INSL6: variants seen among roughly 807,000 people sequenced by gnomAD.
The protein encoded by INSL6 is insulin-like peptide INSL6.
Under a neutral mutation model 9.4 loss-of-function variants are expected in INSL6, and 16 were observed. That is an observed-to-expected ratio of 1.70 (90% confidence interval 1.15 to 2.59). The LOEUF is 2.59. Among genes scored for constraint, INSL6 ranks in the 30% most tolerant of loss-of-function variants. The pLI is 0.00. For missense variants in INSL6, 391 were observed against 257.3 expected, an observed-to-expected ratio of 1.52 and a Z score of -3.56; for synonymous variants, 154 against 96.9, an observed-to-expected ratio of 1.59 and a Z score of -3.46.
At chr9:5,070,923 A>G in the INSL6 span, among the ~76,000 whole-genome samples, 1 of 152,196 alleles carries the variant, frequency 6.6e-6, no homozygotes, top group African/African-American at 2.4e-5. Flanking sequence ...AAGTGAGACT[A>G]TCCCTGAGTA....
chr9:4,996,087 C>T, the INSL6 span, among the ~76,000 whole-genome samples: 1 of 152,158 alleles, frequency 6.6e-6, no homozygotes, highest in Admixed American at 6.6e-5. Flanking sequence ...GTTCATTTAA[C>T]ATTGAATTAT....
chr9:5,062,932 C>G, the INSL6 span, among the ~76,000 whole-genome samples: 60,100 of 151,874 alleles, frequency 0.4, 14,213 homozygotes, highest in African/African-American at 0.67. Flanking sequence ...TTGTTTTATA[C>G]GTTTTATTCC....
At chr9:5,094,090 T>C in the INSL6 span, 2 of 152,162 alleles carry the variant, frequency 1.3e-5, no homozygotes, top group Non-Finnish European at 2.9e-5. Flanking sequence ...CAACTCCCCT[T>C]CTTAACAATA....
chr9:5,030,577 A>G, the INSL6 span, among the ~76,000 whole-genome samples: 285 of 152,248 alleles, frequency 1.9e-3, no homozygotes, highest in Non-Finnish European at 1.5e-3. Flanking sequence ...ATATTACTCA[A>G]ATTTATTCAT....
chr9:5,066,657 T>C, the INSL6 span: 1 of 1,322,158 alleles, frequency 7.6e-7, no homozygotes. Flanking sequence ...ATTATTCAAA[T>C]TGCTTCTTCT....
chr9:5,147,013 A>C (rs1415276352), intron 2 of INSL6, among the ~76,000 whole-genome samples: 2 of 152,154 alleles, frequency 1.3e-5, no homozygotes, highest in Admixed American at 6.5e-5. Flanking sequence ...ATTACCCTTC[A>C]GAGACCAGGT....
the INSL6 span, chr9:5,112,543 C>T: frequency 3.3e-6 from 2 of 599,858 alleles, no homozygotes; most frequent in East Asian, 3.0e-5. Flanking sequence ...GTGGGAGAAG[C>T]AGGTGGCCAA....
downstream of INSL6, among the ~76,000 whole-genome samples, chr9:5,122,633 A>G (rs1823700832): frequency 1.3e-5 from 2 of 152,094 alleles, no homozygotes; most frequent in Non-Finnish European, 2.9e-5. Context: ...GACTCAGCAT[A>G]TATCCATATT....
At chr9:5,068,697 G>C in the INSL6 span, among the ~76,000 whole-genome samples, 1 of 152,230 alleles carries the variant, frequency 6.6e-6, no homozygotes, top group Non-Finnish European at 1.5e-5. Context: ...CCAGCTCATG[G>C]AAGGCTCTAT....
the INSL6 span, among the ~76,000 whole-genome samples, chr9:5,071,201 C>T: frequency 1.3e-5 from 2 of 152,056 alleles, no homozygotes; most frequent in East Asian, 1.9e-4. Flanking sequence ...AAAATCTTTT[C>T]GGAACCACAT....
the INSL6 span, among the ~76,000 whole-genome samples, chr9:5,026,566 T>C: frequency 7.7e-4 from 117 of 152,324 alleles, no homozygotes; most frequent in African/African-American, 2.6e-3. Flanking sequence ...GTGAGCCTTA[T>C]GTTTTAAATA....
intron 3 of INSL6, among the ~76,000 whole-genome samples, chr9:5,130,394 C>A (rs921277552): frequency 1.3e-5 from 2 of 152,106 alleles, no homozygotes; most frequent in Non-Finnish European, 2.9e-5. Context: ...TGGTAAATAA[C>A]AGATAGATCA....
At chr9:5,134,670 C>T (rs1824357756) in intron 2 of INSL6, among the ~76,000 whole-genome samples, 1 of 152,152 alleles carries the variant, frequency 6.6e-6, no homozygotes, top group Non-Finnish European at 1.5e-5. Context: ...GCCTGCCTAA[C>T]AAGAGCTCCT....
downstream of INSL6, among the ~76,000 whole-genome samples, chr9:5,122,408 G>A (rs1823686252): frequency 3.3e-5 from 5 of 151,978 alleles, no homozygotes; most frequent in South Asian, 1.0e-3. Flanking sequence ...GTCTTGCCTT[G>A]GAACCAATTT....
At chr9:5,126,546 A>G (rs1486190733) in intron 3 of INSL6, 4 of 961,286 alleles carry the variant, frequency 4.2e-6, no homozygotes, top group African/African-American at 3.3e-5. Context: ...CGGAGCTTCC[A>G]GATAAACAGC....
chr9:5,077,934 A>C, the INSL6 span, among the ~76,000 whole-genome samples: 1 of 152,192 alleles, frequency 6.6e-6, no homozygotes, highest in Non-Finnish European at 1.5e-5. Context: ...TTGACAGAGA[A>C]GAATACCAGG....
the INSL6 span, among the ~76,000 whole-genome samples, chr9:5,043,974 T>C: frequency 1.3e-5 from 2 of 152,236 alleles, no homozygotes; most frequent in African/African-American, 2.4e-5. Context: ...ATAAAGGTGT[T>C]ACTAAAAGAC....
intron 1 of INSL6, among the ~76,000 whole-genome samples, chr9:5,168,232 A>C (rs1825098250): frequency 6.6e-6 from 1 of 152,214 alleles, no homozygotes; most frequent in African/African-American, 2.4e-5. Context: ...GAGATAGATA[A>C]ATTGACAGAA....
At chr9:5,060,527 A>AT in the INSL6 span, among the ~76,000 whole-genome samples, 3 of 152,142 alleles carry the variant, frequency 2.0e-5, no homozygotes, top group Admixed American at 1.3e-4. Context: ...TCAAGAAACC[A>AT]TTTTTTTATG....
Sources: gnomAD v4.1 joint callset for allele counts (sites outside exome capture counted in the v4.1 genomes callset) on GRCh38, gnomAD v4.1.1 for gene constraint, MANE v1.5 for transcripts, NCBI Gene and HGNC (gene_info 2026-07-23, HGNC 2026-07-21) for gene names.